The following ANO10 variants were observed in gnomAD, a reference collection of about 807,000 sequenced individuals.
ANO10 encodes the protein anoctamin 10, also known as anoctamin-10.
A neutral mutation model predicts 74.7 loss-of-function variants in ANO10; 77 were observed. The observed-to-expected ratio is 1.03, with a 90% CI of 0.86 to 1.25. ANO10 has a LOEUF of 1.25. Ranked by LOEUF, ANO10 falls within the 50% of genes most tolerant of loss-of-function variation. The pLI, the probability that ANO10 is intolerant of heterozygous loss-of-function variation, is 0.00. For synonymous variants in ANO10, 279 were observed against 284.9 expected, an observed-to-expected ratio of 0.98 and a Z score of 0.21; for missense variants, 721 against 778.1, an observed-to-expected ratio of 0.93 and a Z score of 0.87.
At chr3:43,427,857 CT>C (rs955005742) in intron 12 of ANO10, among the ~76,000 whole-genome samples, 47 of 152,208 alleles carry the variant, frequency 3.1e-4, no homozygotes, top group African/African-American at 1.0e-3. Context: ...AGGAGGTAAC[CT>C]TTTGTACCTT....
chr3:43,567,771 T>G (rs1575446195), intron 7 of ANO10, among the ~76,000 whole-genome samples: 1 of 150,742 alleles, frequency 6.6e-6, no homozygotes, highest in East Asian at 2.0e-4. Context: ...AGAAACTGCA[T>G]CAACTAACGA....
intron 1 of ANO10, among the ~76,000 whole-genome samples, chr3:43,678,072 G>A (rs1174270415): frequency 1.3e-5 from 2 of 152,176 alleles, no homozygotes; most frequent in Admixed American, 1.3e-4. Context: ...AATTCCAAGT[G>A]CATTTAATAC....
At chr3:43,410,078 G>A (rs775259917) in intron 12 of ANO10, among the ~76,000 whole-genome samples, 13 of 151,886 alleles carry the variant, frequency 8.6e-5, no homozygotes, top group African/African-American at 1.2e-4. Context: ...GAAAATGAAC[G>A]ATAAAACGTA....
intron 11 of ANO10, among the ~76,000 whole-genome samples, chr3:43,451,715 G>A (rs1381309056): frequency 2.0e-5 from 3 of 152,086 alleles, no homozygotes; most frequent in East Asian, 3.9e-4. Flanking sequence ...GTCCAAATAC[G>A]CTTAGATAAG....
At chr3:43,676,503 A>T (rs1476031465) in intron 1 of ANO10, among the ~76,000 whole-genome samples, 1 of 152,110 alleles carries the variant, frequency 6.6e-6, no homozygotes, top group Non-Finnish European at 1.5e-5. Context: ...TAATGATTCT[A>T]TTTAGGTAAC....
At chr3:43,619,006 G>A (rs1028250876) in intron 1 of ANO10, among the ~76,000 whole-genome samples, 4 of 152,044 alleles carry the variant, frequency 2.6e-5, no homozygotes, top group South Asian at 2.1e-4. Context: ...GGGTTTCACC[G>A]TGTTAGCCAA....
chr3:43,467,114 A>G (rs1482654), intron 11 of ANO10, among the ~76,000 whole-genome samples: 3,172 of 152,366 alleles, frequency 0.021, 60 homozygotes, highest in South Asian at 0.069. Context: ...AAGGATTTAG[A>G]ACAACTGGAA....
intron 12 of ANO10, among the ~76,000 whole-genome samples, chr3:43,416,364 T>C (rs1011592836): frequency 2.6e-5 from 4 of 152,218 alleles, no homozygotes; most frequent in Non-Finnish European, 5.9e-5. Context: ...GTTATACCTC[T>C]TGATAACAGT....
At chr3:43,392,748 G>A (rs1267914213) in intron 12 of ANO10, among the ~76,000 whole-genome samples, 1 of 152,092 alleles carries the variant, frequency 6.6e-6, no homozygotes, top group Non-Finnish European at 1.5e-5. Flanking sequence ...TCACTCTTCA[G>A]TCGACATTCT....
chr3:43,681,997 C>T (rs955771555), intron 1 of ANO10, among the ~76,000 whole-genome samples: 1 of 152,168 alleles, frequency 6.6e-6, no homozygotes, highest in Non-Finnish European at 1.5e-5. Context: ...AAAATTGACA[C>T]CCTAACATCA....
chr3:43,639,314 T>C (rs1262021094), intron 1 of ANO10, among the ~76,000 whole-genome samples: 1 of 152,170 alleles, frequency 6.6e-6, no homozygotes, highest in African/African-American at 2.4e-5. Context: ...AGCCCAGAGA[T>C]CAGATGACTC....
At chr3:43,425,120 T>C (rs757133403) in intron 12 of ANO10, among the ~76,000 whole-genome samples, 6 of 152,104 alleles carry the variant, frequency 3.9e-5, no homozygotes, top group South Asian at 2.1e-4. Context: ...ACCTATTCAA[T>C]AGTCAAATAC....
chr3:43,371,932 C>A (rs769546788), intron 12 of ANO10, among the ~76,000 whole-genome samples: 1 of 152,138 alleles, frequency 6.6e-6, no homozygotes, highest in Non-Finnish European at 1.5e-5. Flanking sequence ...AAAGTCCAAG[C>A]CTGTCTGGGC....
intron 4 of ANO10, among the ~76,000 whole-genome samples, chr3:43,597,464 G>T (rs1016777109): frequency 2.0e-5 from 3 of 152,120 alleles, no homozygotes; most frequent in African/African-American, 7.2e-5. Flanking sequence ...CCTTTGTAGG[G>T]ACATGGATGA....
intron 12 of ANO10, among the ~76,000 whole-genome samples, chr3:43,416,063 TCAAAA>T (rs2092734487): frequency 6.6e-6 from 1 of 151,816 alleles, no homozygotes; most frequent in Non-Finnish European, 1.5e-5. Flanking sequence ...CTATCTCTAA[TCAAAA>T]CAATATTTCT....
In ANO10 at chr3:43,622,000, G is replaced by C. The variant is rs1206250301; in HGVS notation, c.-103C>G. 6.6e-6 allele frequency: 1 copy of C among 152,656 alleles called. No individual in the cohort carries two copies. The highest frequency in any genetic ancestry group is 2.4e-5 in the African/African-American group (1 of 41,442). 9.5% of individuals were successfully genotyped at this position (152,656 alleles called of 1,614,324 possible). A position where few individuals can be genotyped will look rare whatever the true frequency, so the allele number is the denominator to read the frequency against. ...GAAAGAGTGCTCGGTGCGGGGGGCG[G>C]GCCAGGCCAGTGGGGCGGGCGCCGC... On this transcript the variant is annotated 5_prime_UTR_variant, in exon 1 of 13. Transcript: ENST00000292246.
In ANO10 at chr3:43,600,474, C is replaced by T; in HGVS notation, c.247G>A (p.Ala83Thr). 1 of 1,614,096 alleles carries T rather than the reference C, an allele frequency of 6.2e-7. No individual in the cohort carries two copies. Among genetic ancestry groups the T allele is most frequent in the South Asian group, 1.1e-5 (1 of 91,076 alleles). Residue 83 changes from alanine (A) to threonine (T), a missense_variant, in exon 3 of 13, where the codon GCA becomes ACA. Coordinates refer to ENST00000292246, the MANE Select transcript of ANO10 (RefSeq NM_018075.5). The stretch of plus-strand genomic sequence containing the variant: ...TCTTTTACCAATCCCACTGCTTCTG[C>T]CCCTAGTAACATTCTAATCTTGGAG... ...GASKIRMLLGAEAVGLVKECN... is the reference protein window; with the variant it reads ...GASKIRMLLGTEAVGLVKECN...
intron 8 of ANO10, among the ~76,000 whole-genome samples, chr3:43,562,218 C>T (rs935555820): frequency 1.3e-5 from 2 of 151,620 alleles, no homozygotes; most frequent in Admixed American, 1.3e-4. Flanking sequence ...TTTGGGAGGC[C>T]GAGGCGGGCA....
intron 8 of ANO10, among the ~76,000 whole-genome samples, chr3:43,565,152 T>G (rs955015710): frequency 2.0e-5 from 3 of 152,222 alleles, no homozygotes; most frequent in Non-Finnish European, 4.4e-5. Flanking sequence ...AATCAATAAT[T>G]TGTTCTTAAT....
Sources: allele counts gnomAD v4.1 joint callset (sites outside exome capture counted in the v4.1 genomes callset), GRCh38; gene constraint gnomAD v4.1.1; transcripts MANE v1.5; gene names NCBI Gene and HGNC (gene_info 2026-07-23, HGNC 2026-07-21).